Variants in CPE observed in about 807,000 individuals in gnomAD.
CPE encodes the protein carbocypeptidase E.
Under a neutral mutation model 53.5 loss-of-function variants are expected in CPE, and 17 were observed. The observed-to-expected ratio is 0.32, with a 90% CI of 0.22 to 0.48. CPE has a LOEUF of 0.48. Ranked by LOEUF, CPE falls within the 20% of genes least tolerant of loss-of-function variation. The pLI is 0.99. For missense variants in CPE, 524 were observed against 614.7 expected (o/e 0.85, Z 1.56); for synonymous variants, 226 against 228.8 (o/e 0.99, Z 0.11).
intron 1 of CPE, among the ~76,000 whole-genome samples, chr4:165,446,563 G>A (rs955761057): frequency 1.1e-4 from 17 of 152,198 alleles, no homozygotes; most frequent in African/African-American, 4.1e-4. Context: ...GCAGTGGCGT[G>A]ATCACGACTC....
At chr4:165,457,752 G>T (rs1014330733) in intron 1 of CPE, among the ~76,000 whole-genome samples, 1 of 152,198 alleles carries the variant, frequency 6.6e-6, no homozygotes, top group Admixed American at 6.5e-5. Context: ...GAAGCAAGAA[G>T]AGAGAATATA....
At chr4:165,387,408 C>T (rs1730611188) in intron 1 of CPE, among the ~76,000 whole-genome samples, 1 of 152,116 alleles carries the variant, frequency 6.6e-6, no homozygotes, top group African/African-American at 2.4e-5. Context: ...ATAATAATCC[C>T]CTCATTTGAA....
intron 1 of CPE, among the ~76,000 whole-genome samples, chr4:165,459,688 G>A (rs1367613963): frequency 7.7e-6 from 1 of 129,398 alleles, no homozygotes; most frequent in Non-Finnish European, 1.6e-5. Context: ...GGGGGGCGGG[G>A]CAGATCATGA....
At chr4:165,482,661 TA>T (rs1048439778) in intron 4 of CPE, among the ~76,000 whole-genome samples, 7 of 152,140 alleles carry the variant, frequency 4.6e-5, no homozygotes, top group African/African-American at 1.7e-4. Flanking sequence ...TGGACACTGA[TA>T]AAGTGGAGAG....
chr4:165,433,829 C>T (rs1003718363), intron 1 of CPE, among the ~76,000 whole-genome samples: 2 of 152,172 alleles, frequency 1.3e-5, no homozygotes, highest in Non-Finnish European at 2.9e-5. Flanking sequence ...AATTGACTTG[C>T]TGCTGCTCAA....
intron 1 of CPE, among the ~76,000 whole-genome samples, chr4:165,382,063 G>T (rs114276430): frequency 0.015 from 2,208 of 152,028 alleles, 62 homozygotes; most frequent in African/African-American, 0.05. Context: ...GGGATGTGAG[G>T]CTGCAAGATC....
intron 1 of CPE, among the ~76,000 whole-genome samples, chr4:165,455,693 C>T (rs972782481): frequency 2.6e-5 from 4 of 151,028 alleles, no homozygotes; most frequent in African/African-American, 9.7e-5. Flanking sequence ...TGCACTGTTG[C>T]CCAGGATAGA....
chr4:165,467,559 C>A, intron 2 of CPE, 129 bp from the exon 3 acceptor site: 1 of 841,306 alleles, frequency 1.2e-6, no homozygotes, highest in Non-Finnish European at 1.8e-6. Context: ...AAAATGCTGA[C>A]ATGGGAGGGC....
chr4:165,483,955 A>G (rs1732461246), intron 4 of CPE, among the ~76,000 whole-genome samples: 2 of 152,356 alleles, frequency 1.3e-5, no homozygotes, highest in East Asian at 3.9e-4. Flanking sequence ...TAATGCATGA[A>G]TAAGAACACA....
At chr4:165,461,602 A>C (rs1732007012) in intron 1 of CPE, among the ~76,000 whole-genome samples, 1 of 152,200 alleles carries the variant, frequency 6.6e-6, no homozygotes, top group Non-Finnish European at 1.5e-5. Flanking sequence ...ACCTTGAAGC[A>C]GTTTAGTTAC....
intron 6 of CPE, among the ~76,000 whole-genome samples, chr4:165,492,423 A>C (rs1015071288): frequency 3.8e-4 from 58 of 152,194 alleles, no homozygotes; most frequent in African/African-American, 1.3e-3. Context: ...ATGCACTAAG[A>C]CTAGAACTTT....
At chr4:165,390,126 C>T (rs1363625964) in intron 1 of CPE, among the ~76,000 whole-genome samples, 1 of 152,196 alleles carries the variant, frequency 6.6e-6, no homozygotes, top group Non-Finnish European at 1.5e-5. Context: ...CATAATTCTG[C>T]CTTCCTTCTA....
chr4:165,384,859 T>C lies in CPE; in HGVS notation c.307+5331T>C, dbSNP rs569162132. Among the ~76,000 whole-genome samples the C allele has an allele frequency of 3.3e-5, 5 of 152,186 alleles. 1 individual carries two copies. The highest frequency in any genetic ancestry group is 1.2e-4 in the African/African-American group (5 of 41,520). Reference sequence around the variant, plus strand: ...ATTTTTTCCCTCCATAAACAGCTAGTGTAGTGGTTTATGTAGAGTAGGCTT... The same window carrying C: ...ATTTTTTCCCTCCATAAACAGCTAGCGTAGTGGTTTATGTAGAGTAGGCTT... On this transcript the variant is annotated intron_variant, in intron 1 of 8. Coordinates refer to ENST00000402744, the MANE Select transcript of CPE (RefSeq NM_001873.4).
At chr4:165,448,904 C>T (rs932864785) in intron 1 of CPE, among the ~76,000 whole-genome samples, 2 of 152,182 alleles carry the variant, frequency 1.3e-5, no homozygotes, top group Admixed American at 1.3e-4. Flanking sequence ...TCGTGGGTTG[C>T]TGAGTTCCAG....
intron 1 of CPE, among the ~76,000 whole-genome samples, chr4:165,441,766 G>A (rs1318763026): frequency 1.3e-5 from 2 of 152,152 alleles, no homozygotes; most frequent in African/African-American, 2.4e-5. Flanking sequence ...AAATGAAAAT[G>A]ACCACTGTTG....
chr4:165,496,544 A>C (rs1732707909), intron 8 of CPE, among the ~76,000 whole-genome samples: 1 of 151,440 alleles, frequency 6.6e-6, no homozygotes, highest in Non-Finnish European at 1.5e-5. Context: ...GGATATAGTC[A>C]GTGTAATCAC....
At chr4:165,405,382 G>C (rs1408154675) in intron 1 of CPE, 2 of 1,151,530 alleles carry the variant, frequency 1.7e-6, no homozygotes, top group Non-Finnish European at 2.6e-6. Flanking sequence ...CAAGCTCTCC[G>C]AATTTCTGAG....
intron 1 of CPE, among the ~76,000 whole-genome samples, chr4:165,406,714 C>G (rs1730959503): frequency 6.6e-6 from 1 of 152,298 alleles, no homozygotes; most frequent in Non-Finnish European, 1.5e-5. Flanking sequence ...ATCATCACCT[C>G]AAAAAGAACC....
intron 1 of CPE, among the ~76,000 whole-genome samples, chr4:165,427,246 T>C (rs1731336342): frequency 6.6e-6 from 1 of 152,214 alleles, no homozygotes; most frequent in Admixed American, 6.5e-5. Context: ...GTTCTTTTGA[T>C]TGAAAGAATT....
Sources: allele counts gnomAD v4.1 joint callset (sites outside exome capture counted in the v4.1 genomes callset), GRCh38; gene constraint gnomAD v4.1.1; transcripts MANE v1.5; gene names NCBI Gene and HGNC (gene_info 2026-07-23, HGNC 2026-07-21).